HNF1B: variants seen among roughly 807,000 people sequenced by gnomAD.
HNF1B encodes HNF1 homeobox B.
HNF1B carries 8 observed loss-of-function variants against 61.7 expected under a neutral mutation model. The observed-to-expected ratio is 0.13, with a 90% CI of 0.08 to 0.23. The LOEUF is 0.23. Among genes scored for constraint, HNF1B ranks in the 10% least tolerant of loss-of-function variants. The pLI, the probability that HNF1B is intolerant of heterozygous loss-of-function variation, is 1.00. For missense variants in HNF1B, 562 were observed against 714.5 expected, an observed-to-expected ratio of 0.79 and a Z score of 2.43; for synonymous variants, 314 against 287.7, an observed-to-expected ratio of 1.09 and a Z score of -0.93.
chr17:37,693,737 C>T (rs566711017), intron 8 of HNF1B, among the ~76,000 whole-genome samples: 14 of 152,288 alleles, frequency 9.2e-5, no homozygotes, highest in South Asian at 8.3e-4. Context: ...TGTTGAAATA[C>T]GATACCCAGT....
intron 1 of HNF1B, among the ~76,000 whole-genome samples, chr17:37,740,184 G>A (rs1326692018): frequency 1.3e-5 from 2 of 151,972 alleles, no homozygotes; most frequent in Non-Finnish European, 2.9e-5. Context: ...GGCCAGGCTG[G>A]GCTCACACTC....
intron 4 of HNF1B, chr17:37,728,798 A>T (rs1294691066): frequency 6.6e-6 from 1 of 152,626 alleles, no homozygotes; most frequent in East Asian, 1.9e-4. Flanking sequence ...CACGGCACAC[A>T]CGCCATCCTG....
chr17:37,711,147 A>C (rs894983758), intron 4 of HNF1B, among the ~76,000 whole-genome samples: 2 of 152,250 alleles, frequency 1.3e-5, no homozygotes, highest in Non-Finnish European at 2.9e-5. Context: ...GACGAAGAAG[A>C]AGCCCTTGTC....
intron 4 of HNF1B, among the ~76,000 whole-genome samples, chr17:37,726,751 G>C (rs2033512215): frequency 6.6e-6 from 1 of 152,180 alleles, no homozygotes; most frequent in Non-Finnish European, 1.5e-5. Context: ...CAGCGAAAGG[G>C]AGGAGCAGCA....
intron 4 of HNF1B, among the ~76,000 whole-genome samples, chr17:37,711,580 C>A (rs1355393601): frequency 6.6e-6 from 1 of 152,210 alleles, no homozygotes; most frequent in Non-Finnish European, 1.5e-5. Flanking sequence ...ACGCCTGGGT[C>A]CAGTTTGCAG....
chr17:37,718,457 T>C (rs1467814524), intron 4 of HNF1B, among the ~76,000 whole-genome samples: 3 of 152,218 alleles, frequency 2.0e-5, no homozygotes, highest in Non-Finnish European at 4.4e-5. Flanking sequence ...GTTACACCCA[T>C]CTGCTTCTCA....
rs764780061 is a variant in HNF1B, at chr17:37,744,893, G to A, written c.-9C>T. The A allele has an allele frequency of 1.8e-5, 16 of 902,794 alleles. No homozygotes were observed. Among genetic ancestry groups the A allele is most frequent in the South Asian group, 8.9e-5 (7 of 78,358 alleles). The allele number at this position is 902,794 out of a possible 1,614,324, so 55.9% of individuals were successfully genotyped here. ...GTGAGCTTGGACACCATTTTCCAAG[G>A]ACGGAAAAAGAAGGGGGTGAGGGGG... is the stretch of plus-strand genomic sequence containing the variant. On this transcript the variant is annotated 5_prime_UTR_variant, in exon 1 of 9. Transcript: ENST00000617811.
In HNF1B at chr17:37,693,171, CAG is replaced by C. The variant is rs1439723389; in HGVS notation, c.1654-5781_1654-5780del. ...CACCATTGCACTCCAGCCTGGGTGA[CAG>C]AGTGAGATTCCATCTCAAAAAAAAA... On this transcript the variant is annotated intron_variant, in intron 8 of 8. Transcript: ENST00000617811. 2.7e-5 allele frequency among the ~76,000 whole-genome samples: 3 copies of C among 109,846 alleles called. No individual in the cohort carries two copies. In the East Asian group the frequency reaches 8.6e-4, roughly 32 times the overall value. The allele number at this position is 109,846 out of a possible 152,430, so 72.1% of individuals were successfully genotyped here.
At chr17:37,712,449 T>C (rs2032966639) in intron 4 of HNF1B, among the ~76,000 whole-genome samples, 1 of 152,202 alleles carries the variant, frequency 6.6e-6, no homozygotes, top group Admixed American at 6.5e-5. Flanking sequence ...AATGAGGCCT[T>C]CTTTCTTCAC....
chr17:37,700,728 A>G (rs1272863498), intron 7 of HNF1B, among the ~76,000 whole-genome samples: 1 of 152,106 alleles, frequency 6.6e-6, no homozygotes, highest in Non-Finnish European at 1.5e-5. Context: ...TCTGGCTCCA[A>G]TTCCCCTTCA....
intron 8 of HNF1B, among the ~76,000 whole-genome samples, chr17:37,690,965 G>T (rs1261607423): frequency 6.6e-6 from 1 of 152,178 alleles, no homozygotes; most frequent in African/African-American, 2.4e-5. Context: ...GCACAGATGA[G>T]AAGAGGCCAA....
At chr17:37,699,748 G>GCTT (rs1199544372) in intron 7 of HNF1B, among the ~76,000 whole-genome samples, 4 of 152,312 alleles carry the variant, frequency 2.6e-5, no homozygotes, top group Admixed American at 2.6e-4. Context: ...TCTGCTACAG[G>GCTT]CTGTGGCAGA....
chr17:37,702,811 A>T (rs1310483867), intron 6 of HNF1B, among the ~76,000 whole-genome samples: 1 of 152,154 alleles, frequency 6.6e-6, no homozygotes, highest in African/African-American at 2.4e-5. Context: ...GGGCCCAGGA[A>T]TCTTATTTTC....
At chr17:37,703,729 T>G (rs2032647283) in intron 6 of HNF1B, among the ~76,000 whole-genome samples, 1 of 152,194 alleles carries the variant, frequency 6.6e-6, no homozygotes, top group African/African-American at 2.4e-5. Flanking sequence ...CCAAAATCAA[T>G]GCACTGTGTG....
At chr17:37,734,824 T>C (rs1164960274) in intron 2 of HNF1B, among the ~76,000 whole-genome samples, 1 of 151,814 alleles carries the variant, frequency 6.6e-6, no homozygotes, top group Middle Eastern at 3.2e-3. Context: ...GTTTGCCTCT[T>C]GTTGCCCAGG....
chr17:37,745,028 G>A lies in HNF1B; in HGVS notation c.-144C>T, dbSNP rs1208110890. The A allele has an allele frequency of 5.8e-6, 4 of 694,584 alleles. No individual in the cohort carries two copies. The African/African-American group carries it at 7.2e-5, about 13-fold the overall frequency. The allele number at this position is 694,584 out of a possible 1,614,324, so 43.0% of individuals were successfully genotyped here. On this transcript the variant is annotated 5_prime_UTR_variant, in exon 1 of 9. Coordinates refer to ENST00000617811, the MANE Select transcript of HNF1B (RefSeq NM_000458.4). ...ACACCTGTTACTCCCCGGGGTCCCG[G>A]AGGCTCCTCCGAAAGGAGTCAGAAA...
At chr17:37,729,073 C>T (rs1019682241) in intron 4 of HNF1B, 1 of 152,226 alleles carries the variant, frequency 6.6e-6, no homozygotes, top group Non-Finnish European at 1.5e-5. Context: ...TACATTCACT[C>T]CTTTCATCCT....
At chr17:37,706,034 C>T (rs1337484078) in intron 5 of HNF1B, among the ~76,000 whole-genome samples, 1 of 152,176 alleles carries the variant, frequency 6.6e-6, no homozygotes, top group Non-Finnish European at 1.5e-5. Flanking sequence ...TCTCTGCTCA[C>T]TGCAACCTCC....
Position 37,733,695 on chromosome 17 carries a change from G to A in HNF1B, c.671C>T (p.Ser224Phe), listed in dbSNP as rs1464457257. ...GCGCATCTTCTTGTTGGTGGGCTCA[G>A]AGCAGGCATCATCGGACTGCCCAGG... The part of the protein sequence containing the change: ...HGPGQSDDAC[S>F]EPTNKKMRRN... Residue 224 changes from serine to phenylalanine, a missense_variant, in exon 3 of 9, where the codon TCT becomes TTT. Ser to Phe is a radical substitution (Grantham distance 155). Transcript: ENST00000617811. 1 of 1,614,190 alleles carries A rather than the reference G, an allele frequency of 6.2e-7. No homozygotes were observed. Among genetic ancestry groups the A allele is most frequent in the Non-Finnish European group, 8.5e-7 (1 of 1,180,042 alleles).
Sources: allele counts gnomAD v4.1 joint callset (sites outside exome capture counted in the v4.1 genomes callset), GRCh38; gene constraint gnomAD v4.1.1; transcripts MANE v1.5; gene names NCBI Gene and HGNC (gene_info 2026-07-23, HGNC 2026-07-21).